Variants in FNBP1L observed in about 807,000 individuals in gnomAD.
The protein encoded by FNBP1L is formin-binding protein 1-like.
Under a neutral mutation model 91.2 loss-of-function variants are expected in FNBP1L, and 36 were observed. The ratio of observed to expected loss-of-function variants is 0.39; its 90% CI spans 0.30 to 0.52. The LOEUF (loss-of-function observed/expected upper bound fraction) is 0.52, where lower values mean the gene tolerates loss of function less well. FNBP1L is among the 20% of genes least tolerant of loss of function. The pLI, the probability that FNBP1L is intolerant of heterozygous loss-of-function variation, is 0.66. For missense variants in FNBP1L, 571 were observed against 732.1 expected, an observed-to-expected ratio of 0.78 and a Z score of 2.54; for synonymous variants, 242 against 237.0, an observed-to-expected ratio of 1.02 and a Z score of -0.19.
intron 2 of FNBP1L, among the ~76,000 whole-genome samples, chr1:93,519,805 T>C (rs771856955): frequency 2.0e-5 from 3 of 152,100 alleles, no homozygotes; most frequent in Admixed American, 6.5e-5. Context: ...TATGTAAATA[T>C]TATTAGTCAG....
intron 2 of FNBP1L, among the ~76,000 whole-genome samples, chr1:93,504,604 G>A (rs1670544520): frequency 6.6e-6 from 1 of 152,120 alleles, no homozygotes; most frequent in South Asian, 2.1e-4. Flanking sequence ...GAAAGATTTT[G>A]CATTCTCACC....
chr1:93,451,486 AAAAT>A (rs1374372327), intron 1 of FNBP1L, among the ~76,000 whole-genome samples: 2 of 152,300 alleles, frequency 1.3e-5, no homozygotes, highest in African/African-American at 4.8e-5. Flanking sequence ...CTACCCAAGG[AAAAT>A]GCTGGACAAG....
rs568327097 is a variant in FNBP1L at position 93,499,272 on chromosome 1, C to A, written c.25-196C>A. 5.9e-5 allele frequency among the ~76,000 whole-genome samples: 9 copies of A among 152,140 alleles called. No individual in the cohort carries two copies. The South Asian group carries it at 1.9e-3, about 32-fold the overall frequency. On this transcript the variant is annotated intron_variant, in intron 1 of 16. Coordinates refer to ENST00000271234, the MANE Select transcript of FNBP1L (RefSeq NM_001164473.3). ...AGCCATGTTTGTAAAGACGTTCAGA[C>A]ATAAAGTAGCATGATTTATGCTTAG... is the stretch of plus-strand genomic sequence containing the variant.
intron 2 of FNBP1L, among the ~76,000 whole-genome samples, chr1:93,514,522 A>G (rs1306531239): frequency 6.6e-6 from 1 of 152,128 alleles, no homozygotes; most frequent in African/African-American, 2.4e-5. Flanking sequence ...AAACTATACT[A>G]CAAGGCTACA....
intron 2 of FNBP1L, among the ~76,000 whole-genome samples, chr1:93,505,172 C>T (rs1310112015): frequency 1.4e-5 from 2 of 142,784 alleles, no homozygotes; most frequent in African/African-American, 5.4e-5. Flanking sequence ...AGTGCAGTGG[C>T]GCGATCTTGG....
chr1:93,486,233 G>A (rs555825533), intron 1 of FNBP1L, among the ~76,000 whole-genome samples: 1 of 152,174 alleles, frequency 6.6e-6, no homozygotes, highest in Admixed American at 6.5e-5. Context: ...CAGCATTGAT[G>A]TTTGGTCTCA....
intron 1 of FNBP1L, among the ~76,000 whole-genome samples, chr1:93,493,987 C>T (rs1225365812): frequency 6.6e-6 from 1 of 152,120 alleles, no homozygotes; most frequent in East Asian, 1.9e-4. Context: ...TCTTACAGTT[C>T]AATTTTGTCA....
At chr1:93,541,470 AAAAG>A (rs1317804647) in intron 11 of FNBP1L, among the ~76,000 whole-genome samples, 1 of 152,234 alleles carries the variant, frequency 6.6e-6, no homozygotes, top group East Asian at 1.9e-4. Context: ...TTTTTCCAAA[AAAAG>A]AAAGAAAAAT....
At position 93,552,836 on chromosome 1, in the gene FNBP1L, C is replaced by A. The variant is rs149502482; in HGVS notation, c.*420C>A. 7.7e-3 allele frequency: 1,255 copies of A among 162,472 alleles called. 6 individuals are homozygous for A. The highest frequency in any genetic ancestry group is 0.011 in the Non-Finnish European group (801 of 75,138). 10.1% of individuals were successfully genotyped at this position (162,472 alleles called of 1,614,324 possible). ...CTTGCCATCTGTCAGTGTCTGCCTG[C>A]GCCACCTCCGTGCTTGCTTAACATC... On this transcript the variant is annotated 3_prime_UTR_variant, in exon 17 of 17. Transcript: ENST00000271234.
intron 1 of FNBP1L, among the ~76,000 whole-genome samples, chr1:93,483,189 CGAA>C (rs1298665312): frequency 7.4e-5 from 2 of 27,142 alleles, no homozygotes; most frequent in Admixed American, 4.4e-4. Context: ...GACCCTGTCT[CGAA>C]AAAAAAAAAA....
chr1:93,471,348 A>G (rs1242867635), intron 1 of FNBP1L, among the ~76,000 whole-genome samples: 2 of 152,146 alleles, frequency 1.3e-5, no homozygotes, highest in African/African-American at 2.4e-5. Flanking sequence ...TTAAAGCTAC[A>G]TTTTTGTTTT....
At chr1:93,504,553 T>G (rs1670542559) in intron 2 of FNBP1L, among the ~76,000 whole-genome samples, 1 of 152,228 alleles carries the variant, frequency 6.6e-6, no homozygotes, top group African/African-American at 2.4e-5. Context: ...CTCATACCTC[T>G]TTATCAGAAT....
intron 7 of FNBP1L, among the ~76,000 whole-genome samples, chr1:93,532,505 A>G (rs1005707568): frequency 7.1e-6 from 1 of 140,688 alleles, no homozygotes; most frequent in Non-Finnish European, 1.6e-5. Context: ...AGTCTTGTAT[A>G]TGTTATGGGC....
chr1:93,481,462 A>G (rs1669701287), intron 1 of FNBP1L, among the ~76,000 whole-genome samples: 1 of 152,210 alleles, frequency 6.6e-6, no homozygotes, highest in East Asian at 1.9e-4. Flanking sequence ...AGGATGCTTA[A>G]CAGGGAAAAT....
At chr1:93,469,380 C>T (rs1557778172) in intron 1 of FNBP1L, among the ~76,000 whole-genome samples, 1 of 151,962 alleles carries the variant, frequency 6.6e-6, no homozygotes, top group Non-Finnish European at 1.5e-5. Context: ...ATGATGGTTT[C>T]CAGCTTCATC....
In FNBP1L at chr1:93,507,095, ACACACACACACACTCTCTCTCTCTCT is replaced by A. The variant is rs1557797972; in HGVS notation, c.140+7514_140+7539del. 2.2e-4 allele frequency among the ~76,000 whole-genome samples: 23 copies of A among 104,128 alleles called. No individual in the cohort carries two copies. In the East Asian group the frequency reaches 2.7e-3, roughly 12 times the overall value. The allele number at this position is 104,128 out of a possible 152,430, so 68.3% of individuals were successfully genotyped here. A position where few individuals can be genotyped will look rare whatever the true frequency, so the allele number is the denominator to read the frequency against. On this transcript the variant is annotated intron_variant, in intron 2 of 16. Coordinates refer to ENST00000271234, the MANE Select transcript of FNBP1L (RefSeq NM_001164473.3). Reference sequence around the variant, plus strand: ...CACACACACACACACACACACACACACACACACACACACTCTCTCTCTCTCTCTCTCTCTCTCTCTCTCTCTCTCTC... The same window carrying A: ...CACACACACACACACACACACACACACTCTCTCTCTCTCTCTCTCTCTCTC...
intron 6 of FNBP1L, among the ~76,000 whole-genome samples, chr1:93,530,500 G>T (rs1671637581): frequency 6.6e-6 from 1 of 151,984 alleles, no homozygotes; most frequent in South Asian, 2.1e-4. Flanking sequence ...TGCTATCAGG[G>T]AATACTATTG....
chr1:93,498,669 A>G (rs1670346644), intron 1 of FNBP1L, among the ~76,000 whole-genome samples: 1 of 152,224 alleles, frequency 6.6e-6, no homozygotes, highest in South Asian at 2.1e-4. Flanking sequence ...TTATTAGTCA[A>G]TTTGGAGCTT....
intron 1 of FNBP1L, among the ~76,000 whole-genome samples, chr1:93,497,835 G>C (rs1670317462): frequency 6.6e-6 from 1 of 151,944 alleles, no homozygotes; most frequent in African/African-American, 2.4e-5. Flanking sequence ...GACCAGGCTG[G>C]TCTCGAACTC....
Sources: allele counts gnomAD v4.1 joint callset (sites outside exome capture counted in the v4.1 genomes callset), GRCh38; gene constraint gnomAD v4.1.1; transcripts MANE v1.5; gene names NCBI Gene and HGNC (gene_info 2026-07-23, HGNC 2026-07-21).